TNNI3K: variants seen among roughly 807,000 people sequenced by gnomAD.
The protein encoded by TNNI3K is serine/threonine-protein kinase TNNI3K.
A neutral mutation model predicts 114.5 loss-of-function variants in TNNI3K; 140 were observed. The ratio of observed to expected loss-of-function variants is 1.22; its 90% CI spans 1.07 to 1.41. The LOEUF (loss-of-function observed/expected upper bound fraction) is 1.41. Ranked by LOEUF, TNNI3K falls within the 40% of genes most tolerant of loss-of-function variation. TNNI3K has a pLI of 0.00. For missense variants in TNNI3K, 1,125 were observed against 1,007.6 expected, an observed-to-expected ratio of 1.12 and a Z score of -1.58; for synonymous variants, 347 against 347.5, an observed-to-expected ratio of 1.00 and a Z score of 0.02.
At chr1:74,508,178 AATG>A (rs1181643471) in intron 23 of TNNI3K, among the ~76,000 whole-genome samples, 6 of 152,246 alleles carry the variant, frequency 3.9e-5, no homozygotes, top group Non-Finnish European at 8.8e-5. Flanking sequence ...ACCTAATGTA[AATG>A]ATGAGTTAAT....
chr1:74,478,446 T>G (rs1570674147), intron 21 of TNNI3K, among the ~76,000 whole-genome samples: 1 of 152,292 alleles, frequency 6.6e-6, no homozygotes, highest in East Asian at 1.9e-4. Context: ...TAAATATATT[T>G]CTGAATACAT....
intron 5 of TNNI3K, among the ~76,000 whole-genome samples, chr1:74,310,748 G>A (rs1658943685): frequency 6.6e-6 from 1 of 152,120 alleles, no homozygotes; most frequent in African/African-American, 2.4e-5. Context: ...AACAACACTT[G>A]TAATGGATTA....
chr1:74,436,436 T>C lies in TNNI3K; in HGVS notation c.1826-38T>C, dbSNP rs200752149. Reference sequence around the variant, plus strand: ...GTGATCTTTTACCTTGGTTTTAAGATATTTCCTTTGACGTGATTTATTTTC... The same window carrying C: ...GTGATCTTTTACCTTGGTTTTAAGACATTTCCTTTGACGTGATTTATTTTC... On this transcript the variant is annotated intron_variant, in intron 18 of 24. Coordinates refer to ENST00000326637, the MANE Select transcript of TNNI3K (RefSeq NM_015978.3). 2.4e-5 allele frequency: 37 copies of C among 1,553,720 alleles called. No individual in the cohort carries two copies. The South Asian group carries it at 4.0e-4, about 17-fold the overall frequency.
intron 2 of TNNI3K, 133 bp downstream of exon 2, chr1:74,236,343 C>T (rs1264146447): frequency 3.1e-6 from 2 of 644,116 alleles, no homozygotes; most frequent in Non-Finnish European, 5.0e-6. Context: ...CTTAGGATGT[C>T]AGATTATCTC....
intron 17 of TNNI3K, among the ~76,000 whole-genome samples, chr1:74,391,940 G>A (rs1192274919): frequency 6.8e-6 from 1 of 148,144 alleles, no homozygotes; most frequent in Non-Finnish European, 1.5e-5. Context: ...CCTTGATTTA[G>A]GATGGTACAG....
intron 17 of TNNI3K, among the ~76,000 whole-genome samples, chr1:74,385,649 A>G (rs1663433630): frequency 6.6e-6 from 1 of 152,212 alleles, no homozygotes; most frequent in South Asian, 2.1e-4. Flanking sequence ...GCATTGATGA[A>G]TACAAACCTG....
chr1:74,264,688 A>G (rs1223034231), intron 4 of TNNI3K, among the ~76,000 whole-genome samples: 5 of 152,032 alleles, frequency 3.3e-5, no homozygotes, highest in Non-Finnish European at 7.4e-5. Flanking sequence ...AGAGGTGAAT[A>G]AGGTATTACA....
At chr1:74,451,754 TTTC>T (rs1557575328) in intron 20 of TNNI3K, among the ~76,000 whole-genome samples, 6 of 24,696 alleles carry the variant, frequency 2.4e-4, no homozygotes, top group African/African-American at 9.5e-4. Flanking sequence ...TTTCTTTTCT[TTTC>T]TTTTCTTTTC....
chr1:74,535,372 A>T (rs1646647729), intron 23 of TNNI3K, among the ~76,000 whole-genome samples: 1 of 152,114 alleles, frequency 6.6e-6, no homozygotes, highest in African/African-American at 2.4e-5. Flanking sequence ...TCTTATGCTG[A>T]CACACAAGAA....
intron 2 of TNNI3K, among the ~76,000 whole-genome samples, chr1:74,247,389 T>G (rs770189731): frequency 7.9e-5 from 12 of 152,120 alleles, no homozygotes; most frequent in Non-Finnish European, 1.2e-4. Context: ...TTACAGCTTA[T>G]AAAGGCAGTG....
At chr1:74,378,596 A>ATT (rs1332599541) in intron 17 of TNNI3K, 2 of 27,540 alleles carry the variant, frequency 7.3e-5, no homozygotes, top group East Asian at 9.8e-4. Context: ...GTTTAATTTT[A>ATT]TATATATATA....
At chr1:74,326,284 A>G (rs959075018) in intron 5 of TNNI3K, among the ~76,000 whole-genome samples, 6 of 152,174 alleles carry the variant, frequency 3.9e-5, no homozygotes, top group Admixed American at 3.3e-4. Context: ...TTTCTCTTCC[A>G]TGGGACATTT....
chr1:74,368,156 A>G (rs1662379224), intron 13 of TNNI3K, among the ~76,000 whole-genome samples, 192 bp downstream of exon 13: 1 of 152,018 alleles, frequency 6.6e-6, no homozygotes, highest in South Asian at 2.1e-4. Flanking sequence ...AGATATAATA[A>G]CAGTGAAAAT....
chr1:74,353,789 A>G (rs1327379720), intron 10 of TNNI3K, among the ~76,000 whole-genome samples, 191 bp from the exon 11 acceptor site: 2 of 152,234 alleles, frequency 1.3e-5, no homozygotes. Flanking sequence ...GTTGAGTACA[A>G]TATAATACCC....
chr1:74,462,594 A>G (rs1352234850), intron 20 of TNNI3K, among the ~76,000 whole-genome samples: 1 of 152,196 alleles, frequency 6.6e-6, no homozygotes, highest in Non-Finnish European at 1.5e-5. Context: ...AACAACACCT[A>G]CTTTGCATGG....
At chr1:74,532,394 C>A (rs559369142) in intron 23 of TNNI3K, among the ~76,000 whole-genome samples, 1 of 152,220 alleles carries the variant, frequency 6.6e-6, no homozygotes, top group South Asian at 2.1e-4. Flanking sequence ...ATTATCAGCT[C>A]TGTAATTCAA....
At chr1:74,451,699 C>CT (rs1557575131) in intron 20 of TNNI3K, among the ~76,000 whole-genome samples, 1,067 of 27,018 alleles carry the variant, frequency 0.039, 23 homozygotes, top group African/African-American at 0.1. Flanking sequence ...TTCTTTCTTT[C>CT]TTTCTTTCTT....
chr1:74,373,967 G>C lies in TNNI3K; in HGVS notation c.1772+3575G>C, dbSNP rs1662743634. ...AAAGTCTGAGAATGCTCAAGTCCCT[G>C]GTATTAATTGCTGTAGCATTTGCAT... On this transcript the variant is annotated intron_variant, in intron 17 of 24. Coordinates refer to ENST00000326637, the MANE Select transcript of TNNI3K (RefSeq NM_015978.3). 2.0e-5 allele frequency: 3 copies of C among 151,830 alleles called. No homozygotes were observed. In the South Asian group the frequency reaches 6.2e-4, roughly 32 times the overall value. 9.4% of individuals were successfully genotyped at this position (151,830 alleles called of 1,614,324 possible).
Position 74,417,122 on chromosome 1 carries a change from AAGAG to A in TNNI3K, c.1773-18952_1773-18949del, listed in dbSNP as rs199918540. 6.8e-3 allele frequency among the ~76,000 whole-genome samples: 1,041 copies of A among 152,168 alleles called. 12 individuals are homozygous for A. Among genetic ancestry groups the A allele is most frequent in the African/African-American group, 0.024 (979 of 41,546 alleles). On this transcript the variant is annotated intron_variant, in intron 17 of 24. Transcript: ENST00000326637. The stretch of plus-strand genomic sequence containing the variant: ...AATTGAAATTTCAGAGAAAAGATGA[AAGAG>A]AGAGAAATGCGTAATAATGGCATTT...
Sources: gnomAD v4.1 joint callset for allele counts (sites outside exome capture counted in the v4.1 genomes callset) on GRCh38, gnomAD v4.1.1 for gene constraint, MANE v1.5 for transcripts, NCBI Gene and HGNC (gene_info 2026-07-23, HGNC 2026-07-21) for gene names.